The following MYT1L variants were observed in gnomAD, a reference collection of about 807,000 sequenced individuals.
MYT1L encodes myelin transcription factor 1-like protein.
Under a neutral mutation model 126.7 loss-of-function variants are expected in MYT1L, and 12 were observed. The ratio of observed to expected loss-of-function variants is 0.09; its 90% CI spans 0.06 to 0.15. The LOEUF is 0.15. Among genes scored for constraint, MYT1L ranks in the 10% least tolerant of loss-of-function variants. MYT1L has a pLI of 1.00. For missense variants in MYT1L, 979 were observed against 1,585.2 expected (o/e 0.62, Z 6.49); for synonymous variants, 541 against 604.2 (o/e 0.90, Z 1.53).
intron 3 of MYT1L, among the ~76,000 whole-genome samples, chr2:2,123,895 C>A (rs1257489593): frequency 6.6e-6 from 1 of 152,124 alleles, no homozygotes; most frequent in Non-Finnish European, 1.5e-5. Flanking sequence ...TGTGGCGGGG[C>A]CCTGAGCCCT....
chr2:2,118,004 A>G (rs1270318698), intron 3 of MYT1L, among the ~76,000 whole-genome samples: 2 of 151,700 alleles, frequency 1.3e-5, no homozygotes, highest in African/African-American at 4.8e-5. Flanking sequence ...ACACACATAT[A>G]CTCACATGCC....
At chr2:1,851,497 T>C in intron 19 of MYT1L, 144 bp downstream of exon 19, 1 of 749,772 alleles carries the variant, frequency 1.3e-6, no homozygotes, top group Non-Finnish European at 2.3e-6. Flanking sequence ...AGGACGTCAC[T>C]GCTTTATGGC....
chr2:2,103,037 T>G (rs1192631916), intron 3 of MYT1L, among the ~76,000 whole-genome samples: 1 of 152,142 alleles, frequency 6.6e-6, no homozygotes, highest in African/African-American at 2.4e-5. Context: ...TGAGAATTCC[T>G]TCACAGAACA....
intron 1 of MYT1L, among the ~76,000 whole-genome samples, chr2:2,313,067 A>G (rs1266588700): frequency 6.6e-6 from 1 of 152,218 alleles, no homozygotes; most frequent in Admixed American, 6.5e-5. Flanking sequence ...AGAGCTGAAG[A>G]AATTACAATT....
intron 3 of MYT1L, among the ~76,000 whole-genome samples, chr2:2,099,584 G>A (rs765415231): frequency 9.9e-5 from 15 of 152,098 alleles, no homozygotes; most frequent in Admixed American, 6.6e-4. Context: ...AAACCTAATT[G>A]CTATTTAATG....
intron 18 of MYT1L, among the ~76,000 whole-genome samples, chr2:1,880,745 A>G (rs1440354640): frequency 6.6e-6 from 1 of 152,156 alleles, no homozygotes; most frequent in African/African-American, 2.4e-5. Flanking sequence ...CAATGACTGG[A>G]AAACCCATGG....
rs1423192446 is a variant in MYT1L, at chr2:1,793,853, G to A, written c.3277-1389C>T. On this transcript the variant is annotated intron_variant, in intron 23 of 24. Coordinates refer to ENST00000647738, the MANE Select transcript of MYT1L (RefSeq NM_001303052.2). This position sits in a 1 kb window ranked among gnomAD's most constrained non-coding sequence, Gnocchi z 4.6. ...TCCCAGCCGCCCCCTTGCAGGCTCA[G>A]GAGTGGATGCCTGCCCTCCCACGAC... Among the ~76,000 whole-genome samples the A allele has an allele frequency of 6.6e-6, 1 of 152,148 alleles. No homozygotes were observed. Among genetic ancestry groups the A allele is most frequent in the Non-Finnish European group, 1.5e-5 (1 of 68,026 alleles).
Position 1,980,040 on chromosome 2 carries a change from C to T in MYT1L, c.1-263G>A, listed in dbSNP as rs1469180045. Among the ~76,000 whole-genome samples, 11 of 152,096 alleles carry T rather than the reference C, an allele frequency of 7.2e-5. No individual in the cohort carries two copies. The East Asian group carries it at 2.1e-3, about 29-fold the overall frequency. ...TATAATGGGGTAGATTTTGATGAAT[C>T]TTGAAGTACCATCTATTTACTCTCT... On this transcript the variant is annotated intron_variant, in intron 5 of 24. Transcript: ENST00000647738.
Position 1,912,068 on chromosome 2 carries a change from C to T in MYT1L, c.1661G>A (p.Gly554Asp). 1 of 1,596,758 alleles carries T rather than the reference C, an allele frequency of 6.3e-7. No homozygotes were observed. The highest frequency in any genetic ancestry group is 8.6e-7 in the Non-Finnish European group (1 of 1,168,136). ...GTTGACATGCCCGCGCCCCGTGCAG[C>T]CCGGAGTGGGGCACTTGAGGACACT... is the stretch of plus-strand genomic sequence containing the variant. ...HESVLKCPTP[G>D]CTGRGHVNSN... is the part of the protein sequence containing the mutation. Residue 554 changes from glycine to aspartate, a missense_variant, in exon 12 of 25, where the codon GGC (glycine) becomes GAC (aspartate). Coordinates refer to ENST00000647738, the MANE Select transcript of MYT1L (RefSeq NM_001303052.2). This position sits in a 1 kb window ranked among gnomAD's most constrained non-coding sequence, Gnocchi z 4.3.
chr2:2,244,998 T>C (rs1441866216), intron 2 of MYT1L, among the ~76,000 whole-genome samples: 2 of 152,248 alleles, frequency 1.3e-5, no homozygotes, highest in African/African-American at 4.8e-5. Flanking sequence ...CTAAATGATA[T>C]GAAGCATACT....
intron 2 of MYT1L, among the ~76,000 whole-genome samples, chr2:2,271,452 T>G (rs941110239): frequency 1.3e-5 from 2 of 152,242 alleles, no homozygotes; most frequent in Admixed American, 6.5e-5. Context: ...GAATTTACAC[T>G]GCAGGTCAGT....
At chr2:2,277,259 C>T (rs1352035629) in intron 2 of MYT1L, among the ~76,000 whole-genome samples, 1 of 152,166 alleles carries the variant, frequency 6.6e-6, no homozygotes, top group Non-Finnish European at 1.5e-5. Context: ...CGTGAGCCAC[C>T]TTGCCTGGCC....
At chr2:2,065,637 C>T (rs1004903614) in intron 3 of MYT1L, among the ~76,000 whole-genome samples, 2 of 152,136 alleles carry the variant, frequency 1.3e-5, no homozygotes, top group Non-Finnish European at 2.9e-5. Flanking sequence ...TCTCAGTGAG[C>T]GTCTTGCTTC....
At chr2:2,320,909 A>G (rs1261515538) in intron 1 of MYT1L, among the ~76,000 whole-genome samples, 2 of 152,198 alleles carry the variant, frequency 1.3e-5, no homozygotes, top group Non-Finnish European at 2.9e-5. Context: ...ACTGGTGATG[A>G]GCAACGCTTT....
At chr2:1,861,571 G>A (rs1209868086) in intron 18 of MYT1L, among the ~76,000 whole-genome samples, 2 of 151,686 alleles carry the variant, frequency 1.3e-5, no homozygotes, top group African/African-American at 4.8e-5. Flanking sequence ...CGGGGTTTGG[G>A]GGGGTGTTAA....
At chr2:2,277,272 G>A (rs747693543) in intron 2 of MYT1L, among the ~76,000 whole-genome samples, 4 of 152,176 alleles carry the variant, frequency 2.6e-5, no homozygotes, top group East Asian at 1.9e-4. Flanking sequence ...GCCTGGCCCC[G>A]ATTGATTCTT....
At chr2:2,185,922 C>G (rs1238677250) in intron 2 of MYT1L, among the ~76,000 whole-genome samples, 22 of 121,298 alleles carry the variant, frequency 1.8e-4, no homozygotes, top group African/African-American at 7.7e-4. Context: ...TCCCAAGTCC[C>G]GCGTTCCTTC....
intron 2 of MYT1L, among the ~76,000 whole-genome samples, chr2:2,185,436 G>A (rs142557652): frequency 1.3e-5 from 2 of 151,852 alleles, no homozygotes; most frequent in African/African-American, 4.8e-5. Context: ...ACACGTGAGG[G>A]GGACGCAGCC....
intron 3 of MYT1L, among the ~76,000 whole-genome samples, chr2:2,130,398 G>A (rs1289630667): frequency 6.6e-6 from 1 of 151,966 alleles, no homozygotes; most frequent in Non-Finnish European, 1.5e-5. Flanking sequence ...ACTCTGAATG[G>A]TATTCCCCTG....
Sources: gnomAD v4.1 joint callset for allele counts (sites outside exome capture counted in the v4.1 genomes callset) on GRCh38, gnomAD v4.1.1 for gene constraint, Gnocchi (gnomAD v3.1) non-coding constraint, MANE v1.5 for transcripts, NCBI Gene and HGNC (gene_info 2026-07-23, HGNC 2026-07-21) for gene names.